Variants in UBAP1L observed in about 807,000 individuals in gnomAD.
The protein encoded by UBAP1L is ubiquitin-associated protein 1-like.
Under a neutral mutation model 32.1 loss-of-function variants are expected in UBAP1L, and 32 were observed. The ratio of observed to expected loss-of-function variants is 1.00; its 90% CI spans 0.75 to 1.34. The LOEUF (loss-of-function observed/expected upper bound fraction) is 1.34. Ranked by LOEUF, UBAP1L falls within the 40% of genes most tolerant of loss-of-function variation. The pLI, the probability that UBAP1L is intolerant of heterozygous loss-of-function variation, is 0.00. For missense variants in UBAP1L, 516 were observed against 540.5 expected (o/e 0.95, Z 0.45); for synonymous variants, 243 against 250.2 (o/e 0.97, Z 0.27).
Position 65,093,078 on chromosome 15 carries a change from T to A in UBAP1L, c.*19A>T, listed in dbSNP as rs1244421492. 10 of 1,541,914 alleles carry A rather than the reference T, an allele frequency of 6.5e-6. No individual in the cohort carries two copies. The East Asian group carries it at 2.0e-4, about 30-fold the overall frequency. On this transcript the variant is annotated 3_prime_UTR_variant, in exon 6 of 6. Transcript: ENST00000559089. ...GGCATTGGGCCTAGATGCCCAGGCA[T>A]CGTGGAGTGCCTCCGTGGTCACTGG...
intron 1 of UBAP1L, 116 bp from the exon 2 acceptor site, chr15:65,106,504 T>G (rs899773043): frequency 3.4e-5 from 10 of 290,444 alleles, no homozygotes; most frequent in Admixed American, 1.6e-4. Flanking sequence ...TCCACAAAAC[T>G]AGTTCTCATG....
At chr15:65,112,604 T>C (rs1344377341) in intron 1 of UBAP1L, among the ~76,000 whole-genome samples, 2 of 152,180 alleles carry the variant, frequency 1.3e-5, no homozygotes, top group Admixed American at 6.5e-5. Context: ...GTCTTCACTA[T>C]ACTCTCTAAA....
chr15:65,093,267 C>G (rs1172928307), intron 5 of UBAP1L, 36 bp from the exon 6 acceptor site: 2 of 1,508,854 alleles, frequency 1.3e-6, no homozygotes, highest in Non-Finnish European at 1.8e-6. Flanking sequence ...GCTGGGGGCT[C>G]TGCTGGGCCT....
rs2087256949 is a variant in UBAP1L, at chr15:65,102,555, CGGGGCTGACTAGCAAGAGCCAGGCTGGA to C, written c.222_249del (p.Pro75AsnfsTer101). ...GTGGGCGCAGGCGCCAGCCCATGTT[CGGGGCTGACTAGCAAGAGCCAGGCTGGA>C]GGGGCTGACGCTGTCCCCGGGTCAC... is the stretch of plus-strand genomic sequence containing the variant. On this transcript the variant is annotated frameshift_variant, in exon 3 of 6. Coordinates refer to ENST00000559089, the MANE Select transcript of UBAP1L (RefSeq NM_001163692.2). LOFTEE classifies it high-confidence loss of function. The surrounding 1 kb of genome is among the most constrained non-coding windows in gnomAD (Gnocchi z 5.0). The C allele has an allele frequency of 6.5e-7, 1 of 1,535,348 alleles. No homozygotes were observed. The highest frequency in any genetic ancestry group is 8.8e-7 in the Non-Finnish European group (1 of 1,140,494).
chr15:65,107,360 A>G (rs952468150), intron 1 of UBAP1L, among the ~76,000 whole-genome samples: 2 of 147,086 alleles, frequency 1.4e-5, no homozygotes, highest in Non-Finnish European at 3.0e-5. Context: ...AAGAAAAAGG[A>G]AAAAAAAAAG....
intron 2 of UBAP1L, chr15:65,105,605 TC>T: frequency 1.6e-6 from 1 of 629,340 alleles, no homozygotes; most frequent in Non-Finnish European, 3.0e-6. Context: ...ATTTTCGTGT[TC>T]ACTTTAAGAA....
chr15:65,109,498 A>AC (rs2140570550), intron 1 of UBAP1L, among the ~76,000 whole-genome samples: 1 of 151,292 alleles, frequency 6.6e-6, no homozygotes, highest in East Asian at 1.9e-4. Context: ...AAAAAAAAAA[A>AC]AAAAAAACTT....
At chr15:65,093,425 T>TC (rs1362236972) in intron 5 of UBAP1L, among the ~76,000 whole-genome samples, 194 bp from the exon 6 acceptor site, 1 of 152,136 alleles carries the variant, frequency 6.6e-6, no homozygotes, top group African/African-American at 2.4e-5. Context: ...CGACCTCCCT[T>TC]CCTCTGCCAA....
Position 65,102,206 on chromosome 15 carries a change from G to C in UBAP1L, c.599C>G (p.Pro200Arg), listed in dbSNP as rs571729811. ...PAQSPRSASP[P>R]GPAPQHPAAP... is the part of the protein sequence containing the mutation. ...GGCGGGGTGCTGGGGCGCGGGCCCCGGGGGTGATGCAGACCTGGGGGACTG... is the reference window on the plus strand; with the variant it reads ...GGCGGGGTGCTGGGGCGCGGGCCCCCGGGGTGATGCAGACCTGGGGGACTG... Residue 200 changes from proline to arginine, a missense_variant, in exon 3 of 6, where the codon CCG becomes CGG. Transcript: ENST00000559089. The surrounding 1 kb of genome is among the most constrained non-coding windows in gnomAD (Gnocchi z 5.0). 7 of 1,207,102 alleles carry C rather than the reference G, an allele frequency of 5.8e-6. No homozygotes were observed. The highest frequency in any genetic ancestry group is 7.2e-5 in the East Asian group (2 of 27,828). The allele number at this position is 1,207,102 out of a possible 1,614,324, so 74.8% of individuals were successfully genotyped here.
intron 2 of UBAP1L, among the ~76,000 whole-genome samples, chr15:65,104,680 A>T (rs1019483191): frequency 6.6e-6 from 1 of 152,134 alleles, no homozygotes; most frequent in Non-Finnish European, 1.5e-5. Flanking sequence ...ATTCAAGTCC[A>T]CCTGGGCAAC....
chr15:65,096,340 C>T (rs1221598427), intron 4 of UBAP1L: 1 of 152,220 alleles, frequency 6.6e-6, no homozygotes, highest in African/African-American at 2.4e-5. Flanking sequence ...TTCCCTATAG[C>T]CCTCCAGGTG....
Position 65,099,688 on chromosome 15 carries a change from T to C in UBAP1L, c.726A>G (p.Pro242=), listed in dbSNP as rs2140561152. Residue 242 remains proline (P), a synonymous_variant, in exon 4 of 6, where the codon CCA becomes CCG. Coordinates refer to ENST00000559089, the MANE Select transcript of UBAP1L (RefSeq NM_001163692.2). ...VASLSPYTCL[P]PLGGAPQPLN... ...GAGGTTGGGGTGCCCCCCCAAGAGG[T>C]GGCAGACAGGTGTACGGGCTGAGGG... 6.4e-7 allele frequency: 1 copy of C among 1,550,824 alleles called. No homozygotes were observed. Among genetic ancestry groups the C allele is most frequent in the East Asian group, 2.4e-5 (1 of 40,902 alleles).
In UBAP1L at chr15:65,106,179, T is replaced by A. The variant is rs1158668938; in HGVS notation, c.37A>T (p.Lys13Ter). ...GGCTCTGTGCCTATCACAAAGCCCT[T>A]GGGCAACTTGAAAGGAACACCATCG... Reference protein sequence around the residue: ...ALDGVPFKLPKGFVIGTEPLP... With the variant: ...ALDGVPFKLP Residue 13 changes from lysine to a stop codon, truncating the protein, a stop_gained, in exon 2 of 6, where the codon AAG becomes TAG. Transcript: ENST00000559089. LOFTEE classifies it high-confidence loss of function. 1.3e-6 allele frequency: 2 copies of A among 1,549,506 alleles called. No individual in the cohort carries two copies. Among genetic ancestry groups the A allele is most frequent in the Non-Finnish European group, 1.7e-6 (2 of 1,146,460 alleles).
chr15:65,111,378 A>G (rs1246316864), intron 1 of UBAP1L, among the ~76,000 whole-genome samples: 2 of 152,216 alleles, frequency 1.3e-5, no homozygotes, highest in East Asian at 1.9e-4. Context: ...TAGCAGGTAT[A>G]GGGCACCCTT....
chr15:65,108,131 CT>C (rs1299953989), intron 1 of UBAP1L, among the ~76,000 whole-genome samples: 1 of 152,090 alleles, frequency 6.6e-6, no homozygotes, highest in African/African-American at 2.4e-5. Flanking sequence ...GACTTAAAGA[CT>C]TACAAAGAGA....
At chr15:65,095,571 T>C (rs1372574497) in intron 4 of UBAP1L, 2 of 152,066 alleles carry the variant, frequency 1.3e-5, no homozygotes, top group Non-Finnish European at 2.9e-5. Context: ...CACAGCTTAG[T>C]GGGGGAGATA....
intron 2 of UBAP1L, chr15:65,104,999 CTG>C (rs1334006046): frequency 1.6e-5 from 3 of 188,000 alleles, no homozygotes; most frequent in Admixed American, 1.2e-4. Context: ...GAGCGAGACT[CTG>C]TCTCAAATGA....
Position 65,106,374 on chromosome 15 carries a change from G to A in UBAP1L, c.-159C>T, listed in dbSNP as rs2087312130. On this transcript the variant is annotated 5_prime_UTR_variant, in exon 2 of 6. Transcript: ENST00000559089. ...GCCCCAAACAGCTGGAAAGGAAAAG[G>A]TGAGGGGGCCAGTGCTGCATAAAGG... 2 of 775,122 alleles carry A rather than the reference G, an allele frequency of 2.6e-6. No individual in the cohort carries two copies. The highest frequency in any genetic ancestry group is 1.8e-5 in the African/African-American group (1 of 54,808). 48.0% of individuals were successfully genotyped at this position (775,122 alleles called of 1,614,324 possible).
At position 65,102,154 on chromosome 15, in the gene UBAP1L, G is replaced by C. The variant is rs1420881659; in HGVS notation, c.651C>G (p.Ser217=). 8.3e-6 allele frequency: 10 copies of C among 1,208,092 alleles called. No individual in the cohort carries two copies. Among genetic ancestry groups the C allele is most frequent in the Admixed American group, 4.4e-5 (1 of 22,922 alleles). The allele number at this position is 1,208,092 out of a possible 1,614,324, so 74.8% of individuals were successfully genotyped here. A position where few individuals can be genotyped will look rare whatever the true frequency, so the allele number is the denominator to read the frequency against. ...GCAGCGGGGGGATGGCGCCTGCCGT[G>C]GAGGGCCGCGGGGGCGACGCGGGGG... ...PAAPASPPRP[S]TAGAIPPLRS... is the part of the protein sequence containing the mutation. The change falls in exon 3 of 6, where the codon TCC becomes TCG. Residue 217 remains serine (S), a synonymous_variant. Transcript: ENST00000559089. This position sits in a 1 kb window ranked among gnomAD's most constrained non-coding sequence, Gnocchi z 5.0.
Sources: gnomAD v4.1 joint callset for allele counts (sites outside exome capture counted in the v4.1 genomes callset) on GRCh38, gnomAD v4.1.1 for gene constraint, Gnocchi (gnomAD v3.1) non-coding constraint, MANE v1.5 for transcripts, NCBI Gene and HGNC (gene_info 2026-07-23, HGNC 2026-07-21) for gene names.